Variants in OSBPL9 observed in about 807,000 individuals in gnomAD.
OSBPL9 encodes oxysterol-binding protein-related protein 9.
In OSBPL9, 40 loss-of-function variants were observed where a neutral mutation model predicts 106.6. That is an observed-to-expected ratio of 0.38 (90% CI 0.29 to 0.49). The LOEUF (loss-of-function observed/expected upper bound fraction) is 0.49. Ranked by LOEUF, OSBPL9 falls within the 20% of genes least tolerant of loss-of-function variation. The pLI, the probability that OSBPL9 is intolerant of heterozygous loss-of-function variation, is 0.97. For synonymous variants in OSBPL9, 269 were observed against 295.4 expected, an observed-to-expected ratio of 0.91 and a Z score of 0.92; for missense variants, 609 against 887.2, an observed-to-expected ratio of 0.69 and a Z score of 3.98.
intron 21 of OSBPL9, 22 bp from the exon 22 acceptor site, chr1:51,786,504 A>G: frequency 1.3e-6 from 2 of 1,517,874 alleles, no homozygotes; most frequent in South Asian, 2.3e-5. Context: ...TCTAGTTCCC[A>G]TCCACCTCTA....
intron 1 of OSBPL9, among the ~76,000 whole-genome samples, chr1:51,629,606 C>G (rs758169465): frequency 3.3e-5 from 5 of 152,098 alleles, no homozygotes; most frequent in Non-Finnish European, 5.9e-5. Context: ...TGGAGGTTCG[C>G]TGAAATGCAA....
At chr1:51,592,805 C>T (rs1220315214) in intron 1 of OSBPL9, among the ~76,000 whole-genome samples, 1 of 152,200 alleles carries the variant, frequency 6.6e-6, no homozygotes, top group South Asian at 2.1e-4. Context: ...GGCATTTGAG[C>T]ATTTACTCCC....
At chr1:51,707,209 AC>A in intron 3 of OSBPL9, 1 of 364,732 alleles carries the variant, frequency 2.7e-6, no homozygotes, top group Non-Finnish European at 5.6e-6. Flanking sequence ...TCATTGTCAT[AC>A]CAGGAATTGA....
At chr1:51,608,006 C>T (rs4333890) in intron 2 of OSBPL9, among the ~76,000 whole-genome samples, 13,517 of 152,184 alleles carry the variant, frequency 0.089, 827 homozygotes, top group South Asian at 0.15. Flanking sequence ...GCAGGCTGTC[C>T]GCATGCACAC....
chr1:51,547,864 TAAATA>T, the OSBPL9 span, among the ~76,000 whole-genome samples: 1 of 151,308 alleles, frequency 6.6e-6, no homozygotes, highest in South Asian at 2.1e-4. Flanking sequence ...TATATATATA[TAAATA>T]AAATAAAATA....
the OSBPL9 span, among the ~76,000 whole-genome samples, chr1:51,571,219 C>G: frequency 1.0e-3 from 152 of 152,218 alleles, 1 homozygote; most frequent in African/African-American, 3.6e-3. Context: ...GGAACAGGAC[C>G]TGACATAGAA....
the OSBPL9 span, among the ~76,000 whole-genome samples, chr1:51,561,288 C>T: frequency 6.6e-6 from 1 of 152,132 alleles, no homozygotes; most frequent in African/African-American, 2.4e-5. Flanking sequence ...TTTCTACTTA[C>T]CTTAACAGAT....
the OSBPL9 span, among the ~76,000 whole-genome samples, chr1:51,560,528 T>A: frequency 6.6e-6 from 1 of 152,248 alleles, no homozygotes; most frequent in Non-Finnish European, 1.5e-5. Context: ...GGGGAATTCT[T>A]CATCCAGGAC....
chr1:51,764,226 A>G (rs1205203172), intron 11 of OSBPL9, among the ~76,000 whole-genome samples: 1 of 152,028 alleles, frequency 6.6e-6, no homozygotes, highest in Non-Finnish European at 1.5e-5. Flanking sequence ...TCCCACTCAA[A>G]CTTTTCTTCT....
At chr1:51,598,941 C>A (rs1645315130) in intron 2 of OSBPL9, among the ~76,000 whole-genome samples, 1 of 151,410 alleles carries the variant, frequency 6.6e-6, no homozygotes. Context: ...TTGCAGTGAG[C>A]CAAGATCGTG....
intron 14 of OSBPL9, among the ~76,000 whole-genome samples, chr1:51,773,930 A>G (rs1277977305): frequency 1.5e-5 from 2 of 135,192 alleles, no homozygotes; most frequent in East Asian, 2.2e-4. Context: ...ATTAGATTGT[A>G]CAGCTGCTGG....
At chr1:51,651,369 G>A (rs1646505282) in intron 1 of OSBPL9, among the ~76,000 whole-genome samples, 2 of 152,088 alleles carry the variant, frequency 1.3e-5, no homozygotes, top group African/African-American at 4.8e-5. Context: ...TTGGGAGGCC[G>A]AGGTGGGTGG....
the OSBPL9 span, among the ~76,000 whole-genome samples, chr1:51,551,094 A>T: frequency 6.6e-6 from 1 of 152,238 alleles, no homozygotes; most frequent in Non-Finnish European, 1.5e-5. Context: ...CCCAGGTCAC[A>T]CAGAGCAAAG....
chr1:51,604,993 C>T (rs558108087), intron 2 of OSBPL9, among the ~76,000 whole-genome samples: 1 of 152,300 alleles, frequency 6.6e-6, no homozygotes, highest in East Asian at 1.9e-4. Context: ...TGGAACACAG[C>T]CATGCCCATT....
chr1:51,659,922 T>C (rs1349550857), intron 2 of OSBPL9, among the ~76,000 whole-genome samples: 1 of 152,218 alleles, frequency 6.6e-6, no homozygotes, highest in African/African-American at 2.4e-5. Flanking sequence ...ACTCCAGATA[T>C]TAAGTTTTTA....
intron 2 of OSBPL9, among the ~76,000 whole-genome samples, chr1:51,652,298 T>C (rs1382772751): frequency 1.3e-5 from 2 of 152,212 alleles, no homozygotes; most frequent in African/African-American, 4.8e-5. Flanking sequence ...CTTAAACCTC[T>C]ACTTTACAGA....
At chr1:51,752,281 C>T (rs1475507259) in intron 8 of OSBPL9, among the ~76,000 whole-genome samples, 1 of 151,070 alleles carries the variant, frequency 6.6e-6, no homozygotes, top group African/African-American at 2.4e-5. Context: ...TTGCTGTTCC[C>T]TCCACGTGGA....
At chr1:51,520,431 G>A in the OSBPL9 span, among the ~76,000 whole-genome samples, 66 of 152,264 alleles carry the variant, frequency 4.3e-4, no homozygotes, top group African/African-American at 1.4e-3. Flanking sequence ...TGATGTGACC[G>A]TTTTTATACT....
the OSBPL9 span, among the ~76,000 whole-genome samples, chr1:51,536,111 C>A: frequency 2.0e-5 from 3 of 152,048 alleles, no homozygotes; most frequent in Admixed American, 2.0e-4. Flanking sequence ...TACCTACATA[C>A]CCACTCAGTA....
Sources: allele counts gnomAD v4.1 joint callset (sites outside exome capture counted in the v4.1 genomes callset), GRCh38; gene constraint gnomAD v4.1.1; transcripts MANE v1.5; gene names NCBI Gene and HGNC (gene_info 2026-07-23, HGNC 2026-07-21).